TRAPPC8: variants seen among roughly 807,000 people sequenced by gnomAD.
The protein encoded by TRAPPC8 is trafficking protein particle complex subunit 8, also known as general sporulation gene 1 homolog.
In TRAPPC8, 54 loss-of-function variants were observed where a neutral mutation model predicts 174.3. That is an observed-to-expected ratio of 0.31 (90% confidence interval 0.25 to 0.39). TRAPPC8 has a LOEUF of 0.39. Ranked by LOEUF, TRAPPC8 falls within the 10% of genes least tolerant of loss-of-function variation. The pLI is 1.00. For synonymous variants in TRAPPC8, 630 were observed against 579.9 expected (o/e 1.09, Z -1.24); for missense variants, 1,531 against 1,699.1 (o/e 0.90, Z 1.74).
chr18:31,887,251 T>C (rs1469729501), intron 12 of TRAPPC8, among the ~76,000 whole-genome samples: 1 of 152,142 alleles, frequency 6.6e-6, no homozygotes, highest in Non-Finnish European at 1.5e-5. Flanking sequence ...AAAAACCACA[T>C]GATTATCTCA....
Position 31,849,636 on chromosome 18 carries a change from G to A in TRAPPC8, c.3665C>T (p.Ser1222Leu), listed in dbSNP as rs565570828. 3 of 1,613,078 alleles carry A rather than the reference G, an allele frequency of 1.9e-6. No individual in the cohort carries two copies. In the South Asian group the frequency reaches 3.3e-5, roughly 18 times the overall value. ...AATCAATCTCACAGCATCCTCTGTT[G>A]ACTGTTTTTCTGTATGCACAGGCAA... is the stretch of plus-strand genomic sequence containing the variant. ...AHLPVHTEKQ[S>L]TEDAVRLIQK... The change falls in exon 25 of 29, where the codon TCA (serine) becomes TTA (leucine). Residue 1222 changes from serine (S) to leucine (L), a missense_variant. Transcript: ENST00000283351.
intron 25 of TRAPPC8, among the ~76,000 whole-genome samples, chr18:31,848,705 C>G (rs969964203): frequency 6.6e-6 from 1 of 152,146 alleles, no homozygotes; most frequent in African/African-American, 2.4e-5. Context: ...GAACATGTCT[C>G]TTGCATCAAA....
intron 8 of TRAPPC8, 74 bp from the exon 9 acceptor site, chr18:31,907,684 G>A (rs2036725383): frequency 5.5e-6 from 7 of 1,268,772 alleles, no homozygotes; most frequent in Non-Finnish European, 4.2e-6. Context: ...ACATTAACAA[G>A]CTGCCATGTT....
intron 12 of TRAPPC8, among the ~76,000 whole-genome samples, chr18:31,880,080 T>G (rs2035344043): frequency 2.3e-5 from 1 of 44,370 alleles, no homozygotes; most frequent in Non-Finnish European, 4.0e-5. Flanking sequence ...CTGAAACTAT[T>G]GAAAAAAAAA....
intron 12 of TRAPPC8, among the ~76,000 whole-genome samples, chr18:31,876,899 G>T (rs2035182390): frequency 6.6e-6 from 1 of 152,176 alleles, no homozygotes; most frequent in Non-Finnish European, 1.5e-5. Context: ...TTTCAGGCCT[G>T]AACTGAGACA....
chr18:31,934,379 G>T (rs912595494), intron 1 of TRAPPC8, among the ~76,000 whole-genome samples: 2 of 152,034 alleles, frequency 1.3e-5, no homozygotes, highest in Admixed American at 6.6e-5. Context: ...CTGGGTAGTG[G>T]GGAGGTGGAT....
intron 12 of TRAPPC8, among the ~76,000 whole-genome samples, chr18:31,882,522 G>A (rs984243711): frequency 1.3e-5 from 2 of 152,042 alleles, no homozygotes; most frequent in African/African-American, 2.4e-5. Context: ...TCACTATTTG[G>A]GTGATGGGTT....
At chr18:31,912,700 C>A (rs2036968617) in intron 5 of TRAPPC8, among the ~76,000 whole-genome samples, 1 of 151,722 alleles carries the variant, frequency 6.6e-6, no homozygotes. Context: ...AGGGAGCAAC[C>A]CCAGAGCATG....
chr18:31,880,090 A>AAAATATATAT (rs1259899654), intron 12 of TRAPPC8, among the ~76,000 whole-genome samples: 6 of 85,378 alleles, frequency 7.0e-5, no homozygotes, highest in Non-Finnish European at 1.3e-4. Context: ...TGAAAAAAAA[A>AAAATATATAT]ATATATATAT....
intron 1 of TRAPPC8, among the ~76,000 whole-genome samples, chr18:31,941,396 T>C (rs1942273410): frequency 6.6e-6 from 1 of 152,026 alleles, no homozygotes. Context: ...TGGGCTGAGA[T>C]CGCGCCACTG....
chr18:31,902,345 C>CA (rs1167740770), intron 9 of TRAPPC8, among the ~76,000 whole-genome samples: 5 of 151,984 alleles, frequency 3.3e-5, no homozygotes, highest in African/African-American at 1.2e-4. Flanking sequence ...AACAAACAAA[C>CA]AATAACAACA....
At chr18:31,939,909 A>C (rs955507420) in intron 1 of TRAPPC8, among the ~76,000 whole-genome samples, 3 of 152,114 alleles carry the variant, frequency 2.0e-5, no homozygotes, top group Admixed American at 6.6e-5. Context: ...CTCCTTCCCT[A>C]ATCTTCCCCA....
intron 9 of TRAPPC8, among the ~76,000 whole-genome samples, chr18:31,902,286 G>C (rs1187914237): frequency 6.6e-6 from 1 of 152,194 alleles, no homozygotes; most frequent in Non-Finnish European, 1.5e-5. Context: ...AGCCGAGATA[G>C]TGCCACTGCA....
rs768013731 is a variant in TRAPPC8 at position 31,867,485 on chromosome 18, T to A, written c.2389-9A>T. ...TCAGGTTCACTTGTAACCTAAAAAA[T>A]AAATTTCATAAATTATACATTCCAA... On this transcript the variant is annotated splice_polypyrimidine_tract_variant and intron_variant, in intron 16 of 28. Coordinates refer to ENST00000283351, the MANE Select transcript of TRAPPC8 (RefSeq NM_014939.5). The A allele has an allele frequency of 8.4e-6, 13 of 1,544,386 alleles. No homozygotes were observed. Among genetic ancestry groups the A allele is most frequent in the Non-Finnish European group, 1.2e-5 (13 of 1,121,144 alleles).
intron 2 of TRAPPC8, among the ~76,000 whole-genome samples, chr18:31,930,795 C>G (rs528603278): frequency 2.9e-3 from 431 of 150,262 alleles, no homozygotes; most frequent in Non-Finnish European, 4.9e-3. Flanking sequence ...AAAAATAAAA[C>G]ACAGGAGGAT....
chr18:31,867,007 T>C, intron 17 of TRAPPC8, 32 bp from the exon 18 acceptor site: 1 of 1,606,654 alleles, frequency 6.2e-7, no homozygotes. Flanking sequence ...TCTTATTATG[T>C]TTTCATAATA....
intron 2 of TRAPPC8, among the ~76,000 whole-genome samples, chr18:31,927,126 G>A (rs985533853): frequency 4.0e-5 from 6 of 151,730 alleles, no homozygotes; most frequent in African/African-American, 1.5e-4. Flanking sequence ...TTTTTCTTTT[G>A]AGGCAGGGTC....
At position 31,870,407 on chromosome 18, in the gene TRAPPC8, AATCTTT is replaced by A; in HGVS notation, c.2347_2352del (p.Lys783_Asp784del). ...ACTTCTTCATTATCCTTTCCACTGA[AATCTTT>A]AGGATGAAACTTCCAAAGCAATGAC... is the stretch of plus-strand genomic sequence containing the variant. On this transcript the variant is annotated inframe_deletion, in exon 16 of 29. Transcript: ENST00000283351. 6.2e-7 allele frequency: 1 copy of A among 1,612,660 alleles called. No homozygotes were observed. The highest frequency in any genetic ancestry group is 8.5e-7 in the Non-Finnish European group (1 of 1,179,418).
intron 15 of TRAPPC8, 62 bp from the exon 16 acceptor site, chr18:31,870,564 G>C: frequency 6.5e-7 from 1 of 1,528,656 alleles, no homozygotes; most frequent in Non-Finnish European, 8.9e-7. Flanking sequence ...TCTCAGCTTC[G>C]ATCTTCTAAA....
Sources: gnomAD v4.1 joint callset for allele counts (sites outside exome capture counted in the v4.1 genomes callset) on GRCh38, gnomAD v4.1.1 for gene constraint, MANE v1.5 for transcripts, NCBI Gene and HGNC (gene_info 2026-07-23, HGNC 2026-07-21) for gene names.